NFAM1: variants seen among roughly 807,000 people sequenced by gnomAD.
The protein encoded by NFAM1 is NFAT activation molecule 1.
In NFAM1, 17 loss-of-function variants were observed where a neutral mutation model predicts 29.0. The ratio of observed to expected loss-of-function variants is 0.59; its 90% CI spans 0.40 to 0.88. NFAM1 has a LOEUF of 0.88. Ranked by LOEUF, NFAM1 falls within the 40% of genes least tolerant of loss-of-function variation. The probability of loss-of-function intolerance (pLI) is 0.00; values close to 1 mark genes in which losing one functional copy is unlikely to be tolerated. For missense variants in NFAM1, 324 were observed against 344.6 expected, an observed-to-expected ratio of 0.94 and a Z score of 0.47; for synonymous variants, 175 against 147.2, an observed-to-expected ratio of 1.19 and a Z score of -1.36.
intron 3 of NFAM1, among the ~76,000 whole-genome samples, chr22:42,400,096 G>C (rs967806263): frequency 1.3e-5 from 2 of 152,242 alleles, no homozygotes; most frequent in Non-Finnish European, 2.9e-5. Flanking sequence ...CAGCCAGGAA[G>C]TGGCAGAGGC....
intron 1 of NFAM1, among the ~76,000 whole-genome samples, chr22:42,417,489 G>A (rs1930299052): frequency 6.7e-6 from 1 of 150,248 alleles, no homozygotes; most frequent in Non-Finnish European, 1.5e-5. Flanking sequence ...TGTTTTCTGT[G>A]CAGGGAACGG....
At chr22:42,410,580 A>C in intron 2 of NFAM1, 1 of 250,968 alleles carries the variant, frequency 4.0e-6, no homozygotes, top group Non-Finnish European at 8.4e-6. Flanking sequence ...AATCGCTTGA[A>C]CCCAGGAGGC....
chr22:42,391,892 C>A (rs1402145952), intron 4 of NFAM1, among the ~76,000 whole-genome samples: 4 of 147,810 alleles, frequency 2.7e-5, no homozygotes, highest in Non-Finnish European at 5.9e-5. Context: ...TTGCAGTGAG[C>A]CGAGATCACG....
chr22:42,400,601 G>A (rs1929694422), intron 3 of NFAM1, among the ~76,000 whole-genome samples: 1 of 152,218 alleles, frequency 6.6e-6, no homozygotes, highest in African/African-American at 2.4e-5. Context: ...TGGGCAAAAA[G>A]AGTGAGACTC....
intron 1 of NFAM1, among the ~76,000 whole-genome samples, chr22:42,428,078 G>A (rs1601764017): frequency 6.6e-6 from 1 of 152,354 alleles, no homozygotes; most frequent in East Asian, 1.9e-4. Context: ...GACCCGCTGG[G>A]AGTGTGCCCG....
At chr22:42,422,191 A>G (rs1290265196) in intron 1 of NFAM1, among the ~76,000 whole-genome samples, 1 of 152,170 alleles carries the variant, frequency 6.6e-6, no homozygotes, top group Non-Finnish European at 1.5e-5. Flanking sequence ...CCCCCGAACC[A>G]GGGTGTACGG....
rs1929234350 is a variant in NFAM1, at chr22:42,388,733, C to T, written c.664-1655G>A. Among the ~76,000 whole-genome samples, 1 of 152,168 alleles carries T rather than the reference C, an allele frequency of 6.6e-6. No homozygotes were observed. Among genetic ancestry groups the T allele is most frequent in the South Asian group, 2.1e-4 (1 of 4,830 alleles). On this transcript the variant is annotated intron_variant, in intron 4 of 5. Coordinates refer to ENST00000329021, the MANE Select transcript of NFAM1 (RefSeq NM_145912.8). This position sits in a 1 kb window ranked among gnomAD's most constrained non-coding sequence, Gnocchi z 4.1. ...TAAACCATTTGGCACTTGGGAGACCCTCACTTCAAGGGCATCAGACATGGG... is the reference window on the plus strand; with the variant it reads ...TAAACCATTTGGCACTTGGGAGACCTTCACTTCAAGGGCATCAGACATGGG...
At chr22:42,410,063 C>T (rs1323826266) in intron 2 of NFAM1, among the ~76,000 whole-genome samples, 1 of 152,176 alleles carries the variant, frequency 6.6e-6, no homozygotes, top group African/African-American at 2.4e-5. Flanking sequence ...CAAAAACACA[C>T]GGAGTGCCAA....
intron 1 of NFAM1, among the ~76,000 whole-genome samples, chr22:42,426,354 G>A (rs1008819314): frequency 3.3e-5 from 5 of 152,184 alleles, no homozygotes; most frequent in South Asian, 2.1e-4. Context: ...ACCTGCAATG[G>A]GGTGCGTGGG....
chr22:42,429,851 G>A (rs961279015), intron 1 of NFAM1, among the ~76,000 whole-genome samples: 1 of 152,340 alleles, frequency 6.6e-6, no homozygotes, highest in East Asian at 1.9e-4. Flanking sequence ...GGGAGGTTTG[G>A]AAGATGTGGG....
At chr22:42,415,456 T>C (rs1009392402) in intron 1 of NFAM1, among the ~76,000 whole-genome samples, 1 of 151,860 alleles carries the variant, frequency 6.6e-6, no homozygotes, top group Admixed American at 6.6e-5. Flanking sequence ...CCCGCCACCA[T>C]GCCTGGCTAA....
chr22:42,434,536 G>A (rs1930894802), upstream of NFAM1, among the ~76,000 whole-genome samples: 1 of 152,336 alleles, frequency 6.6e-6, no homozygotes, highest in East Asian at 1.9e-4. Context: ...CCTTGGCAAG[G>A]AGCCCAGCAG....
chr22:42,400,360 G>GT (rs1302414056), intron 3 of NFAM1, among the ~76,000 whole-genome samples: 1 of 152,188 alleles, frequency 6.6e-6, no homozygotes, highest in African/African-American at 2.4e-5. Flanking sequence ...GTTCATGTCT[G>GT]TAATACTAGC....
Position 42,381,155 on chromosome 22 carries a change from T to C in NFAM1, c.*4006A>G, listed in dbSNP as rs1244347343. The C allele has an allele frequency of 6.6e-6, 1 of 152,624 alleles. No individual in the cohort carries two copies. The highest frequency in any genetic ancestry group is 1.9e-4 in the East Asian group (1 of 5,188). The allele number at this position is 152,624 out of a possible 1,614,324, so 9.5% of individuals were successfully genotyped here. A position where few individuals can be genotyped will look rare whatever the true frequency, so the allele number is the denominator to read the frequency against. On this transcript the variant is annotated 3_prime_UTR_variant, in exon 6 of 6. Transcript: ENST00000329021. ...CTAGGGTGGCACCAGACTTCCCTGG[T>C]CCCACAGGACAGCCAGTGGCCTCCT... is the stretch of plus-strand genomic sequence containing the variant.
At chr22:42,424,746 G>C (rs536549386) in intron 1 of NFAM1, among the ~76,000 whole-genome samples, 58 of 152,112 alleles carry the variant, frequency 3.8e-4, no homozygotes, top group African/African-American at 7.0e-4. Flanking sequence ...TGTCTGGGAG[G>C]GGGGTACAAG....
At position 42,385,690 on chromosome 22, in the gene NFAM1, C is replaced by T. The variant is rs190340619; in HGVS notation, c.754-470G>A. 6.4e-3 allele frequency among the ~76,000 whole-genome samples: 966 copies of T among 151,966 alleles called. 13 individuals carry two copies. The highest frequency in any genetic ancestry group is 0.022 in the African/African-American group (893 of 41,484). ...CCATGGGGTCAGCGACCTATTCCTG[C>T]AGACTATGGCTCCCAGAGGGTAGGG... On this transcript the variant is annotated intron_variant, in intron 5 of 5. Transcript: ENST00000329021.
At chr22:42,396,886 G>A (rs1038405870) in intron 4 of NFAM1, among the ~76,000 whole-genome samples, 2 of 152,154 alleles carry the variant, frequency 1.3e-5, no homozygotes, top group African/African-American at 4.8e-5. Flanking sequence ...AGAAACGACA[G>A]CACGTACGAG....
At position 42,384,908 on chromosome 22, in the gene NFAM1, G is replaced by C. The variant is rs1418611365; in HGVS notation, c.*253C>G. 3 of 587,720 alleles carry C rather than the reference G, an allele frequency of 5.1e-6. No homozygotes were observed. Among genetic ancestry groups the C allele is most frequent in the African/African-American group, 1.9e-5 (1 of 53,880 alleles). The allele number at this position is 587,720 out of a possible 1,614,324, so 36.4% of individuals were successfully genotyped here. A position where few individuals can be genotyped will look rare whatever the true frequency, so the allele number is the denominator to read the frequency against. On this transcript the variant is annotated 3_prime_UTR_variant, in exon 6 of 6. Coordinates refer to ENST00000329021, the MANE Select transcript of NFAM1 (RefSeq NM_145912.8). ...GACTGAGGGGCGCTTTGCTGGTTGG[G>C]CCAAGGGAGGAAGGGCCTGCCTGGC...
intron 1 of NFAM1, among the ~76,000 whole-genome samples, chr22:42,423,730 T>TTC (rs1431456667): frequency 6.6e-6 from 1 of 151,080 alleles, no homozygotes; most frequent in Admixed American, 6.6e-5. Context: ...CTTTTCTTTT[T>TTC]TTTTTTTTGA....
Sources: gnomAD v4.1 joint callset for allele counts (sites outside exome capture counted in the v4.1 genomes callset) on GRCh38, gnomAD v4.1.1 for gene constraint, Gnocchi (gnomAD v3.1) non-coding constraint, MANE v1.5 for transcripts, NCBI Gene and HGNC (gene_info 2026-07-23, HGNC 2026-07-21) for gene names.